The following DAAM1 variants were observed in gnomAD, a reference collection of about 807,000 sequenced individuals.
DAAM1 encodes the protein disheveled-associated activator of morphogenesis 1.
In DAAM1, 52 loss-of-function variants were observed where a neutral mutation model predicts 130.0. The observed-to-expected ratio is 0.40, with a 90% confidence interval of 0.32 to 0.50. The LOEUF (loss-of-function observed/expected upper bound fraction) is 0.50. Ranked by LOEUF, DAAM1 falls within the 20% of genes least tolerant of loss-of-function variation. The pLI is 0.61. For synonymous variants in DAAM1, 452 were observed against 444.5 expected (o/e 1.02, Z -0.21); for missense variants, 1,134 against 1,303.8 (o/e 0.87, Z 2.01).
intron 1 of DAAM1, among the ~76,000 whole-genome samples, 188 bp downstream of exon 1, chr14:59,188,956 A>T (rs1381562237): frequency 2.0e-5 from 3 of 152,098 alleles, no homozygotes; most frequent in Admixed American, 6.5e-5. Flanking sequence ...CTGGGTGGGA[A>T]CGGGACCGAG....
In DAAM1 at chr14:59,287,992, G is replaced by A. The variant is rs193182094; in HGVS notation, c.184-3225G>A. Among the ~76,000 whole-genome samples, 12 of 152,106 alleles carry A rather than the reference G, an allele frequency of 7.9e-5. No homozygotes were observed. The East Asian group carries it at 1.2e-3, about 15-fold the overall frequency. ...AATCCTAAGCAAAAAGAACAAAGCC[G>A]GGGGCATCACACCAACCAACTTCAA... On this transcript the variant is annotated intron_variant, in intron 2 of 24. Coordinates refer to ENST00000360909, the MANE Select transcript of DAAM1 (RefSeq NM_001270520.2).
chr14:59,252,404 A>G (rs184698015), intron 1 of DAAM1, among the ~76,000 whole-genome samples: 13 of 152,360 alleles, frequency 8.5e-5, no homozygotes, highest in Admixed American at 7.2e-4. Flanking sequence ...GTTTTTGTAC[A>G]GTTGTTTGGA....
intron 21 of DAAM1, 32 bp downstream of exon 21, chr14:59,359,536 A>C (rs1459851834): frequency 1.3e-6 from 2 of 1,545,116 alleles, no homozygotes; most frequent in South Asian, 2.2e-5. Flanking sequence ...TAGTTTCTTA[A>C]ATCACTTGGA....
chr14:59,254,459 A>G (rs1274724626), intron 1 of DAAM1, among the ~76,000 whole-genome samples: 4 of 152,208 alleles, frequency 2.6e-5, no homozygotes, highest in Non-Finnish European at 1.5e-5. Flanking sequence ...TTTGTACGGT[A>G]TCTGAGTGGA....
chr14:59,214,171 G>A (rs1424138056), intron 1 of DAAM1, among the ~76,000 whole-genome samples: 1 of 152,240 alleles, frequency 6.6e-6, no homozygotes, highest in Admixed American at 6.5e-5. Flanking sequence ...GATAACTGGA[G>A]CAGGTGTCTG....
At chr14:59,342,160 G>A (rs1317469603) in intron 16 of DAAM1, among the ~76,000 whole-genome samples, 1 of 152,124 alleles carries the variant, frequency 6.6e-6, no homozygotes, top group African/African-American at 2.4e-5. Flanking sequence ...AACTGGCCTC[G>A]TATCTGTCAG....
chr14:59,279,535 A>G (rs1883119341), intron 2 of DAAM1, among the ~76,000 whole-genome samples: 1 of 152,186 alleles, frequency 6.6e-6, no homozygotes, highest in Non-Finnish European at 1.5e-5. Flanking sequence ...TGCAAAAACA[A>G]TCCAGCTGTT....
intron 1 of DAAM1, among the ~76,000 whole-genome samples, chr14:59,261,582 T>C (rs1882158488): frequency 6.6e-6 from 1 of 152,236 alleles, no homozygotes; most frequent in South Asian, 2.1e-4. Context: ...ATAGACACCC[T>C]GCTTTTAACC....
intron 2 of DAAM1, among the ~76,000 whole-genome samples, chr14:59,272,709 T>C (rs1594792451): frequency 6.6e-6 from 1 of 152,204 alleles, no homozygotes; most frequent in East Asian, 1.9e-4. Context: ...CCTTTGACAG[T>C]GTAGCATTTT....
intron 1 of DAAM1, among the ~76,000 whole-genome samples, chr14:59,190,735 G>C (rs1304519707): frequency 6.6e-6 from 1 of 152,206 alleles, no homozygotes; most frequent in Admixed American, 6.5e-5. Context: ...GGAAAGGGTA[G>C]AGAGGGTTTC....
At chr14:59,191,096 A>G (rs1282642361) in intron 1 of DAAM1, among the ~76,000 whole-genome samples, 1 of 152,154 alleles carries the variant, frequency 6.6e-6, no homozygotes, top group Non-Finnish European at 1.5e-5. Context: ...TTTTATACCA[A>G]TGTGCATTAT....
At chr14:59,192,492 C>T (rs765794046) in intron 1 of DAAM1, among the ~76,000 whole-genome samples, 2 of 152,246 alleles carry the variant, frequency 1.3e-5, no homozygotes, top group Admixed American at 6.5e-5. Context: ...GGCTTCAAGC[C>T]GTGCTCTGGT....
chr14:59,321,916 C>T (rs975063101), intron 5 of DAAM1, among the ~76,000 whole-genome samples: 11 of 152,078 alleles, frequency 7.2e-5, no homozygotes, highest in African/African-American at 2.7e-4. Flanking sequence ...CTGAACTTTT[C>T]GGTGGCTTTA....
At chr14:59,349,675 T>C (rs1886213340) in intron 17 of DAAM1, among the ~76,000 whole-genome samples, 1 of 152,210 alleles carries the variant, frequency 6.6e-6, no homozygotes, top group African/African-American at 2.4e-5. Flanking sequence ...TGATCTCAGA[T>C]GAGAGAGAGA....
intron 1 of DAAM1, among the ~76,000 whole-genome samples, chr14:59,231,543 G>A (rs1889106546): frequency 6.6e-6 from 1 of 152,110 alleles, no homozygotes; most frequent in Non-Finnish European, 1.5e-5. Flanking sequence ...GAAGTATTTT[G>A]TTTAGTGATT....
intron 1 of DAAM1, among the ~76,000 whole-genome samples, chr14:59,204,261 C>T (rs1888194900): frequency 1.3e-5 from 2 of 152,198 alleles, no homozygotes; most frequent in South Asian, 4.1e-4. Flanking sequence ...TCAGGGGCTT[C>T]TTCCAAGCTC....
At chr14:59,315,227 G>T in intron 3 of DAAM1, 53 bp from the exon 4 acceptor site, 2 of 1,529,396 alleles carry the variant, frequency 1.3e-6, no homozygotes, top group East Asian at 4.5e-5. Flanking sequence ...TGTGTTTCTA[G>T]GTGCTGTGTG....
chr14:59,209,534 A>G (rs1485141822), intron 1 of DAAM1, among the ~76,000 whole-genome samples: 3 of 152,212 alleles, frequency 2.0e-5, no homozygotes, highest in East Asian at 1.9e-4. Flanking sequence ...TTGAATACCC[A>G]TACAACCATT....
chr14:59,206,903 A>C (rs996114113), intron 1 of DAAM1, among the ~76,000 whole-genome samples: 5 of 152,248 alleles, frequency 3.3e-5, no homozygotes, highest in African/African-American at 4.8e-5. Context: ...GTTTTAAAAC[A>C]TATTTTGATT....
Sources: allele counts gnomAD v4.1 joint callset (sites outside exome capture counted in the v4.1 genomes callset), GRCh38; gene constraint gnomAD v4.1.1; transcripts MANE v1.5; gene names NCBI Gene and HGNC (gene_info 2026-07-23, HGNC 2026-07-21).